Variants in RCAN1 observed in about 807,000 individuals in gnomAD.
RCAN1 encodes calcipressin-1.
Under a neutral mutation model 22.9 loss-of-function variants are expected in RCAN1, and 11 were observed. That is an observed-to-expected ratio of 0.48 (90% CI 0.30 to 0.79). The LOEUF (loss-of-function observed/expected upper bound fraction) is 0.79, where lower values mean the gene tolerates loss of function less well. RCAN1 is among the 30% of genes least tolerant of loss of function. RCAN1 has a pLI of 0.06. For missense variants in RCAN1, 291 were observed against 337.8 expected (o/e 0.86, Z 1.09); for synonymous variants, 136 against 142.3 (o/e 0.96, Z 0.32).
chr21:34,577,693 T>C lies in RCAN1; in HGVS notation c.252+37067A>G, dbSNP rs181275978. Reference sequence around the variant, plus strand: ...AGGAATCAGAATACCAGGTAGGAGCTGCTGCGTACTCCAGGCAGGAGTGTT... The same window carrying C: ...AGGAATCAGAATACCAGGTAGGAGCCGCTGCGTACTCCAGGCAGGAGTGTT... On this transcript the variant is annotated intron_variant, in intron 1 of 3. Transcript: ENST00000313806. Among the ~76,000 whole-genome samples, 3 of 152,300 alleles carry C rather than the reference T, an allele frequency of 2.0e-5. No homozygotes were observed. In the East Asian group the frequency reaches 5.8e-4, roughly 29 times the overall value.
chr21:34,562,388 G>A (rs1043933921), intron 1 of RCAN1, among the ~76,000 whole-genome samples: 1 of 152,134 alleles, frequency 6.6e-6, no homozygotes, highest in Non-Finnish European at 1.5e-5. Context: ...CCAGGAAAGC[G>A]TATTTCCATG....
At chr21:34,589,102 T>C (rs1987891221) in intron 1 of RCAN1, among the ~76,000 whole-genome samples, 1 of 152,192 alleles carries the variant, frequency 6.6e-6, no homozygotes, top group South Asian at 2.1e-4. Context: ...ACAATGTGAA[T>C]ATATTTAATA....
Position 34,579,231 on chromosome 21 carries a change from C to A in RCAN1, c.252+35529G>T, listed in dbSNP as rs193087449. The stretch of plus-strand genomic sequence containing the variant: ...GCAACATGGCAAAACCTAGTTTCTA[C>A]CAAAAATACAAAAAATTAGCCAGGT... On this transcript the variant is annotated intron_variant, in intron 1 of 3. Coordinates refer to ENST00000313806, the MANE Select transcript of RCAN1 (RefSeq NM_004414.7). 4.3e-3 allele frequency among the ~76,000 whole-genome samples: 653 copies of A among 152,138 alleles called. 1 individual carries two copies. Among genetic ancestry groups the A allele is most frequent in the Non-Finnish European group, 6.4e-3 (433 of 67,986 alleles).
chr21:34,591,493 C>T (rs764994437), intron 1 of RCAN1, among the ~76,000 whole-genome samples: 17 of 152,054 alleles, frequency 1.1e-4, no homozygotes, highest in Non-Finnish European at 2.2e-4. Context: ...TCAAACAGCA[C>T]GGTGGCAGAT....
At position 34,526,055 on chromosome 21, in the gene RCAN1, G is replaced by T. The variant is rs547740395; in HGVS notation, c.253-2345C>A. On this transcript the variant is annotated intron_variant, in intron 1 of 3. Transcript: ENST00000313806. The stretch of plus-strand genomic sequence containing the variant: ...CTCAATTAGCCGGATAGCTGCTGAT[G>T]AAAAAACTTACATTTTAATCAAATG... Among the ~76,000 whole-genome samples, 5 of 152,304 alleles carry T rather than the reference G, an allele frequency of 3.3e-5. No homozygotes were observed. In the South Asian group the frequency reaches 1.0e-3, roughly 32 times the overall value.
chr21:34,532,111 G>A (rs922399538), intron 1 of RCAN1, among the ~76,000 whole-genome samples: 12 of 152,058 alleles, frequency 7.9e-5, no homozygotes, highest in Non-Finnish European at 1.2e-4. Context: ...AGGAGGCATC[G>A]GGGTAAAGAG....
intron 1 of RCAN1, among the ~76,000 whole-genome samples, chr21:34,541,093 G>C (rs2123624015): frequency 6.6e-6 from 1 of 152,278 alleles, no homozygotes; most frequent in South Asian, 2.1e-4. Flanking sequence ...GTCCCTACAG[G>C]GGCTTAAGAT....
intron 1 of RCAN1, among the ~76,000 whole-genome samples, chr21:34,609,639 T>C (rs1988631228): frequency 6.6e-6 from 1 of 152,238 alleles, no homozygotes; most frequent in Non-Finnish European, 1.5e-5. Context: ...TTTTGTTCCT[T>C]TATGTAATTG....
chr21:34,557,649 TA>T (rs1164452556), intron 1 of RCAN1, among the ~76,000 whole-genome samples: 4 of 152,214 alleles, frequency 2.6e-5, no homozygotes, highest in Non-Finnish European at 5.9e-5. Context: ...GACAATTTTT[TA>T]AAATAGTAAA....
At chr21:34,567,209 C>A (rs1987047360) in intron 1 of RCAN1, among the ~76,000 whole-genome samples, 1 of 152,170 alleles carries the variant, frequency 6.6e-6, no homozygotes, top group African/African-American at 2.4e-5. Context: ...AAAAGAAACC[C>A]CCGAGGCTGG....
intron 1 of RCAN1, among the ~76,000 whole-genome samples, chr21:34,595,007 C>T (rs1988099090): frequency 6.6e-6 from 1 of 152,190 alleles, no homozygotes; most frequent in Non-Finnish European, 1.5e-5. Context: ...TACTTCACCT[C>T]CAGATGCCTC....
chr21:34,524,463 T>C (rs1265558484), intron 1 of RCAN1: 1 of 152,508 alleles, frequency 6.6e-6, no homozygotes, highest in Non-Finnish European at 1.5e-5. Context: ...CAGTGTTGCA[T>C]ATATCAAAGA....
chr21:34,555,571 C>CA lies in RCAN1; in HGVS notation c.253-31862dup, dbSNP rs10683737. Among the ~76,000 whole-genome samples the CA allele has an allele frequency of 3.8e-3, 499 of 131,054 alleles. 4 individuals are homozygous for CA. The highest frequency in any genetic ancestry group is 9.3e-3 in the African/African-American group (323 of 34,882). 86.0% of individuals were successfully genotyped at this position (131,054 alleles called of 152,430 possible). On this transcript the variant is annotated intron_variant, in intron 1 of 3. Coordinates refer to ENST00000313806, the MANE Select transcript of RCAN1 (RefSeq NM_004414.7). ...CTGGCGACAGAGCAAGGCTGTGTCT[C>CA]AAAAAAAAAAATAAATAAAATAATA...
intron 1 of RCAN1, among the ~76,000 whole-genome samples, chr21:34,610,316 A>G (rs545115073): frequency 6.6e-6 from 1 of 152,214 alleles, no homozygotes; most frequent in African/African-American, 2.4e-5. Context: ...GGCCAAGTGC[A>G]TGATCTGCCG....
chr21:34,601,647 T>C (rs1476286340), intron 1 of RCAN1, among the ~76,000 whole-genome samples: 6 of 151,856 alleles, frequency 4.0e-5, no homozygotes, highest in Non-Finnish European at 5.9e-5. Context: ...TGAAACCCCA[T>C]CTCTACTAAA....
intron 1 of RCAN1, among the ~76,000 whole-genome samples, chr21:34,545,564 C>A: frequency 6.6e-6 from 1 of 152,160 alleles, no homozygotes; most frequent in East Asian, 1.9e-4. Flanking sequence ...CTGGCCAGGC[C>A]AGGCACAAAG....
chr21:34,547,270 A>C (rs2834523), intron 1 of RCAN1, among the ~76,000 whole-genome samples: 36,741 of 152,062 alleles, frequency 0.24, 5,186 homozygotes, highest in African/African-American at 0.39. Context: ...CCATCACAGC[A>C]GCCAGGTTTT....
intron 1 of RCAN1, among the ~76,000 whole-genome samples, chr21:34,577,219 T>C (rs918780318): frequency 6.6e-6 from 1 of 152,230 alleles, no homozygotes; most frequent in Non-Finnish European, 1.5e-5. Context: ...GTAAGGATTT[T>C]GAACATTACC....
chr21:34,524,929 T>C (rs1042152696), intron 1 of RCAN1, among the ~76,000 whole-genome samples: 2 of 152,200 alleles, frequency 1.3e-5, no homozygotes, highest in African/African-American at 4.8e-5. Context: ...GAAGACTGCA[T>C]GGGCTTCTAG....
Sources: allele counts gnomAD v4.1 joint callset (sites outside exome capture counted in the v4.1 genomes callset), GRCh38; gene constraint gnomAD v4.1.1; transcripts MANE v1.5; gene names NCBI Gene and HGNC (gene_info 2026-07-23, HGNC 2026-07-21).